The following PEAK1 variants were observed in gnomAD, a reference collection of about 807,000 sequenced individuals.
PEAK1 encodes the protein inactive tyrosine-protein kinase PEAK1.
PEAK1 carries 54 observed loss-of-function variants against 124.7 expected under a neutral mutation model. The observed-to-expected ratio is 0.43, with a 90% CI of 0.35 to 0.54. The LOEUF is 0.54. Among genes scored for constraint, PEAK1 ranks in the 20% least tolerant of loss-of-function variants. The pLI is 0.01. For synonymous variants in PEAK1, 719 were observed against 760.0 expected (o/e 0.95, Z 0.89); for missense variants, 2,046 against 2,134.5 (o/e 0.96, Z 0.82).
At chr15:77,370,462 G>A (rs1413518375) in intron 1 of PEAK1, among the ~76,000 whole-genome samples, 2 of 152,186 alleles carry the variant, frequency 1.3e-5, no homozygotes, top group East Asian at 1.9e-4. Context: ...AGAAAGAGCA[G>A]AGAAGAAAAA....
intron 1 of PEAK1, chr15:77,417,459 C>CGT (rs1555506193): frequency 1.1e-5 from 4 of 378,674 alleles, no homozygotes; most frequent in Non-Finnish European, 9.2e-6. Flanking sequence ...GGATGCGGGG[C>CGT]GGGGGGGGAG....
rs188608693 is a variant in PEAK1, at chr15:77,206,310, A to G, written c.-114-24270T>C. Among the ~76,000 whole-genome samples, 44 of 148,936 alleles carry G rather than the reference A, an allele frequency of 3.0e-4. 1 individual carries two copies. Among genetic ancestry groups the G allele is most frequent in the Non-Finnish European group, 6.1e-4 (41 of 67,314 alleles). ...ATACATGTGCATGTGTCTTTATAGC[A>G]GCATGATTTATAGTCCTTTGGGTAT... On this transcript the variant is annotated intron_variant, in intron 6 of 9. Coordinates refer to ENST00000682557, the MANE Select transcript of PEAK1 (RefSeq NM_001385026.1).
chr15:77,186,429 G>A (rs1247639211), intron 6 of PEAK1, among the ~76,000 whole-genome samples: 1 of 152,164 alleles, frequency 6.6e-6, no homozygotes, highest in Non-Finnish European at 1.5e-5. Context: ...CTTATCAACA[G>A]AATAGCCAAA....
intron 7 of PEAK1, among the ~76,000 whole-genome samples, chr15:77,167,421 G>T (rs1432308718): frequency 6.6e-6 from 1 of 152,152 alleles, no homozygotes; most frequent in East Asian, 1.9e-4. Context: ...TTACGATAAA[G>T]TAAGATATTT....
At chr15:77,317,931 A>T (rs1597267002) in intron 2 of PEAK1, among the ~76,000 whole-genome samples, 1 of 152,222 alleles carries the variant, frequency 6.6e-6, no homozygotes, top group East Asian at 1.9e-4. Flanking sequence ...CTCAAAGGCT[A>T]TATACAAATA....
At position 77,252,476 on chromosome 15, in the gene PEAK1, T is replaced by C. The variant is rs1328949220; in HGVS notation, c.-224A>G. 2 of 984,958 alleles carry C rather than the reference T, an allele frequency of 2.0e-6. No individual in the cohort carries two copies. Among genetic ancestry groups the C allele is most frequent in the Non-Finnish European group, 2.4e-6 (2 of 829,638 alleles). 61.0% of individuals were successfully genotyped at this position (984,958 alleles called of 1,614,324 possible). A position where few individuals can be genotyped will look rare whatever the true frequency, so the allele number is the denominator to read the frequency against. On this transcript the variant is annotated 5_prime_UTR_variant, in exon 6 of 10. Coordinates refer to ENST00000682557, the MANE Select transcript of PEAK1 (RefSeq NM_001385026.1). ...GCTTTGGGTCTTTCCAAGATGAATGTCCTTTCTTCCTTGCCTCTCATTCCT... is the reference window on the plus strand; with the variant it reads ...GCTTTGGGTCTTTCCAAGATGAATGCCCTTTCTTCCTTGCCTCTCATTCCT...
intron 7 of PEAK1, among the ~76,000 whole-genome samples, chr15:77,170,628 A>G (rs2056441218): frequency 2.0e-5 from 3 of 152,174 alleles, no homozygotes. Flanking sequence ...TTCCTTAGGC[A>G]TAGTTTTGTA....
At chr15:77,144,613 TAA>T (rs2054037838) in intron 8 of PEAK1, among the ~76,000 whole-genome samples, 1 of 152,074 alleles carries the variant, frequency 6.6e-6, no homozygotes, top group Non-Finnish European at 1.5e-5. Flanking sequence ...AGCAAGGAAA[TAA>T]AGATAAGTAA....
intron 2 of PEAK1, among the ~76,000 whole-genome samples, chr15:77,328,186 T>C (rs191055527): frequency 1.3e-5 from 2 of 152,288 alleles, no homozygotes; most frequent in East Asian, 3.9e-4. Flanking sequence ...TGATCCTCAA[T>C]TTCCCCTTCA....
intron 8 of PEAK1, among the ~76,000 whole-genome samples, chr15:77,154,254 T>G (rs2054919347): frequency 6.6e-6 from 1 of 152,256 alleles, no homozygotes; most frequent in Non-Finnish European, 1.5e-5. Flanking sequence ...CTTCTTTGTC[T>G]CTTTTAATCT....
chr15:77,343,982 T>C (rs974673077), intron 2 of PEAK1, among the ~76,000 whole-genome samples: 13 of 152,228 alleles, frequency 8.5e-5, no homozygotes, highest in Non-Finnish European at 1.8e-4. Context: ...TATGGAAATA[T>C]AGTTTTACCA....
At chr15:77,204,706 C>A (rs1379240566) in intron 6 of PEAK1, 1 of 152,476 alleles carries the variant, frequency 6.6e-6, no homozygotes, top group East Asian at 1.9e-4. Context: ...AGTTTAAGAC[C>A]AGCCTGGCAA....
chr15:77,391,473 T>A (rs997832693), intron 1 of PEAK1, among the ~76,000 whole-genome samples: 1 of 73,010 alleles, frequency 1.4e-5, no homozygotes, highest in African/African-American at 5.9e-5. Flanking sequence ...ACCTAACTCA[T>A]GGCAAAAAAA....
chr15:77,138,924 A>T (rs1293439614), intron 8 of PEAK1, among the ~76,000 whole-genome samples: 2 of 152,136 alleles, frequency 1.3e-5, no homozygotes, highest in African/African-American at 4.8e-5. Context: ...CCCTATTTAA[A>T]CAAAACTTTT....
chr15:77,126,711 A>T (rs1048000109), intron 9 of PEAK1, among the ~76,000 whole-genome samples: 2 of 152,240 alleles, frequency 1.3e-5, no homozygotes, highest in African/African-American at 4.8e-5. Context: ...AGAGAGGCGC[A>T]TGACTTGCAT....
At chr15:77,254,249 C>T (rs1005003369) in intron 5 of PEAK1, among the ~76,000 whole-genome samples, 2 of 152,040 alleles carry the variant, frequency 1.3e-5, no homozygotes, top group Non-Finnish European at 2.9e-5. Flanking sequence ...ATTTTTAGCA[C>T]TTATTTCTTA....
At chr15:77,121,585 C>T (rs1160105832) in intron 9 of PEAK1, among the ~76,000 whole-genome samples, 1 of 152,146 alleles carries the variant, frequency 6.6e-6, no homozygotes, top group Non-Finnish European at 1.5e-5. Context: ...TTGTACTGCA[C>T]AAAACTACAA....
At chr15:77,158,764 GGCA>G in intron 7 of PEAK1, 68 bp from the exon 8 acceptor site, 3 of 1,448,396 alleles carry the variant, frequency 2.1e-6, no homozygotes, top group Non-Finnish European at 2.9e-6. Context: ...ATTTATGGAA[GGCA>G]TATACTTCCC....
chr15:77,245,714 G>T (rs933484571), intron 6 of PEAK1, among the ~76,000 whole-genome samples: 2 of 151,724 alleles, frequency 1.3e-5, no homozygotes, highest in African/African-American at 4.8e-5. Flanking sequence ...AAAAAAAAAA[G>T]TAAAAAGAAA....
Sources: allele counts gnomAD v4.1 joint callset (sites outside exome capture counted in the v4.1 genomes callset), GRCh38; gene constraint gnomAD v4.1.1; transcripts MANE v1.5; gene names NCBI Gene and HGNC (gene_info 2026-07-23, HGNC 2026-07-21).